MRPS31: variants seen among roughly 807,000 people sequenced by gnomAD.
MRPS31 encodes mitochondrial ribosomal protein S31.
A neutral mutation model predicts 43.1 loss-of-function variants in MRPS31; 32 were observed. The observed-to-expected ratio is 0.74, with a 90% CI of 0.56 to 1.00. MRPS31 has a LOEUF of 1.00. MRPS31 is among the 50% of genes least tolerant of loss of function. MRPS31 has a pLI of 0.00. For missense variants in MRPS31, 437 were observed against 466.7 expected (o/e 0.94, Z 0.59); for synonymous variants, 165 against 161.6 (o/e 1.02, Z -0.16).
chr13:40,737,437 T>C (rs902465026), intron 6 of MRPS31, among the ~76,000 whole-genome samples: 4 of 152,018 alleles, frequency 2.6e-5, no homozygotes, highest in Admixed American at 1.3e-4. Context: ...GCAGACCTAA[T>C]AGACATCTAC....
chr13:40,764,860 C>T (rs1880799532), intron 2 of MRPS31, among the ~76,000 whole-genome samples: 1 of 152,208 alleles, frequency 6.6e-6, no homozygotes, highest in East Asian at 1.9e-4. Flanking sequence ...AGTCAAATCG[C>T]TAACCCACAG....
chr13:40,753,721 G>A (rs1880454361), intron 5 of MRPS31, among the ~76,000 whole-genome samples: 1 of 152,206 alleles, frequency 6.6e-6, no homozygotes, highest in Non-Finnish European at 1.5e-5. Context: ...TTAGAGATGG[G>A]AGGCAGGGTG....
chr13:40,744,760 C>G (rs1566106720), intron 6 of MRPS31, among the ~76,000 whole-genome samples: 1 of 148,036 alleles, frequency 6.8e-6, no homozygotes, highest in East Asian at 2.0e-4. Context: ...GATTACAGGC[C>G]CCGCCATCAC....
chr13:40,731,462 G>A (rs551207125), intron 6 of MRPS31, among the ~76,000 whole-genome samples: 2 of 151,150 alleles, frequency 1.3e-5, no homozygotes, highest in South Asian at 2.1e-4. Flanking sequence ...TGTGCCTGTA[G>A]TCCCAGCTAC....
intron 6 of MRPS31, among the ~76,000 whole-genome samples, chr13:40,738,087 A>G (rs1879974171): frequency 6.6e-6 from 1 of 152,178 alleles, no homozygotes; most frequent in Admixed American, 6.5e-5. Context: ...TAGATGCAAT[A>G]AAAAACGATA....
In MRPS31 at chr13:40,771,178, G is replaced by A. The variant is rs776716242; in HGVS notation, c.-42C>T. 10 of 1,544,524 alleles carry A rather than the reference G, an allele frequency of 6.5e-6. No individual in the cohort carries two copies. Among genetic ancestry groups the A allele is most frequent in the African/African-American group, 4.1e-5 (3 of 72,528 alleles). On this transcript the variant is annotated 5_prime_UTR_variant, in exon 1 of 7. Transcript: ENST00000323563. ...GAACCAAGAACACAACTGAAATGGT[G>A]CGTCCCGCTGCCAAACACGTCCCCG...
chr13:40,753,481 T>C (rs1338229235), intron 5 of MRPS31, among the ~76,000 whole-genome samples: 2 of 152,210 alleles, frequency 1.3e-5, no homozygotes, highest in Non-Finnish European at 2.9e-5. Context: ...GGGGGAAGCC[T>C]GACCGAAACT....
rs75478204 is a variant in MRPS31 at position 40,766,605 on chromosome 13, A to C, written c.440+141T>G. On this transcript the variant is annotated intron_variant, in intron 2 of 6. Transcript: ENST00000323563. ...CCACCATGCCCAGCCTCGAGTAATT[A>C]TTAGAGTCCCTGTGTTTACAAGCTG... 1.9e-5 allele frequency: 17 copies of C among 894,410 alleles called. No individual in the cohort carries two copies. The Admixed American group carries it at 3.9e-4, about 21-fold the overall frequency. The allele number at this position is 894,410 out of a possible 1,614,324, so 55.4% of individuals were successfully genotyped here. A position where few individuals can be genotyped will look rare whatever the true frequency, so the allele number is the denominator to read the frequency against.
chr13:40,729,683 T>A, intron 6 of MRPS31, 82 bp from the exon 7 acceptor site: 1 of 944,168 alleles, frequency 1.1e-6, no homozygotes, highest in Non-Finnish European at 1.6e-6. Flanking sequence ...TGAGGTAATA[T>A]AATATTACAG....
At chr13:40,753,007 A>G (rs1265600399) in intron 5 of MRPS31, among the ~76,000 whole-genome samples, 2 of 152,036 alleles carry the variant, frequency 1.3e-5, no homozygotes, top group Non-Finnish European at 2.9e-5. Context: ...GTCCACATAC[A>G]ACATTGTTTC....
intron 6 of MRPS31, among the ~76,000 whole-genome samples, chr13:40,730,110 C>T (rs1281091206): frequency 6.6e-6 from 1 of 152,106 alleles, no homozygotes; most frequent in Non-Finnish European, 1.5e-5. Context: ...GCAGCAGATT[C>T]CTCAAGCATA....
rs1880994872 is a variant in MRPS31 at position 40,771,054 on chromosome 13, G to A, written c.83C>T (p.Ala28Val). 11 of 1,614,134 alleles carry A rather than the reference G, an allele frequency of 6.8e-6. No homozygotes were observed. The highest frequency in any genetic ancestry group is 1.6e-4 in the Middle Eastern group (1 of 6,062). Residue 28 changes from alanine (A) to valine (V), a missense_variant, in exon 1 of 7, where the codon GCG (alanine) becomes GTG (valine). By Grantham distance (64) the Ala-to-Val change is moderately conservative (BLOSUM62 0). Coordinates refer to ENST00000323563, the MANE Select transcript of MRPS31 (RefSeq NM_005830.4). ...AACAGTGAGTAGCATAATCGCAGCCGCTGATGTCTCCGGGCTTCCAGAGGA... is the reference window on the plus strand; with the variant it reads ...AACAGTGAGTAGCATAATCGCAGCCACTGATGTCTCCGGGCTTCCAGAGGA... Reference protein sequence around the residue: ...PLSSGSPETSAAAIMLLTVRH... With the variant: ...PLSSGSPETSVAAIMLLTVRH...
At chr13:40,759,987 T>C (rs1296730740) in intron 2 of MRPS31, among the ~76,000 whole-genome samples, 3 of 151,964 alleles carry the variant, frequency 2.0e-5, no homozygotes, top group East Asian at 1.9e-4. Context: ...ATATAAAAAT[T>C]AGCCAGGCAT....
intron 2 of MRPS31, among the ~76,000 whole-genome samples, chr13:40,760,988 C>T (rs896642010): frequency 6.6e-6 from 1 of 151,848 alleles, no homozygotes; most frequent in African/African-American, 2.4e-5. Context: ...AAGAATTAAA[C>T]AAGGGGTCGG....
intron 6 of MRPS31, among the ~76,000 whole-genome samples, chr13:40,733,016 T>C (rs934403888): frequency 6.8e-6 from 1 of 147,738 alleles, no homozygotes; most frequent in African/African-American, 2.5e-5. Context: ...TTTTTTTTTT[T>C]TTTTTGAGAG....
At chr13:40,733,007 T>G (rs948554788) in intron 6 of MRPS31, among the ~76,000 whole-genome samples, 6 of 144,652 alleles carry the variant, frequency 4.1e-5, no homozygotes, top group African/African-American at 7.7e-5. Context: ...TTTTTTTTTT[T>G]TTTTTTTTTT....
At chr13:40,735,729 T>A (rs1433541082) in intron 6 of MRPS31, among the ~76,000 whole-genome samples, 1 of 151,524 alleles carries the variant, frequency 6.6e-6, no homozygotes, top group East Asian at 1.9e-4. Context: ...TCCTGTCTGT[T>A]AGAAGGAAAA....
intron 5 of MRPS31, among the ~76,000 whole-genome samples, chr13:40,751,924 A>AT (rs1391004820): frequency 1.3e-5 from 2 of 152,124 alleles, no homozygotes; most frequent in African/African-American, 2.4e-5. Flanking sequence ...TAGAAATAAG[A>AT]TTTTTTTATT....
chr13:40,730,185 T>A (rs1454376093), intron 6 of MRPS31, among the ~76,000 whole-genome samples: 2 of 152,112 alleles, frequency 1.3e-5, no homozygotes, highest in African/African-American at 4.8e-5. Flanking sequence ...ACAAACTATA[T>A]ATAAAGTTCA....
Sources: allele counts gnomAD v4.1 joint callset (sites outside exome capture counted in the v4.1 genomes callset), GRCh38; gene constraint gnomAD v4.1.1; transcripts MANE v1.5; gene names NCBI Gene and HGNC (gene_info 2026-07-23, HGNC 2026-07-21).